TMEM53: variants seen among roughly 807,000 people sequenced by gnomAD.
TMEM53 encodes novel DUF829 domain-containing protein.
A neutral mutation model predicts 21.4 loss-of-function variants in TMEM53; 14 were observed. The observed-to-expected ratio is 0.65, with a 90% CI of 0.43 to 1.02. The LOEUF (loss-of-function observed/expected upper bound fraction) is 1.02. Ranked by LOEUF, TMEM53 falls within the 50% of genes least tolerant of loss-of-function variation. The pLI, the probability that TMEM53 is intolerant of heterozygous loss-of-function variation, is 0.00. For synonymous variants in TMEM53, 148 were observed against 157.4 expected, an observed-to-expected ratio of 0.94 and a Z score of 0.45; for missense variants, 323 against 383.6, an observed-to-expected ratio of 0.84 and a Z score of 1.32.
rs1273866215 is a variant in TMEM53 at position 44,654,226 on chromosome 1, C to T, written c.*333G>A. On this transcript the variant is annotated 3_prime_UTR_variant, in exon 3 of 3. Transcript: ENST00000372237. This position sits in a 1 kb window ranked among gnomAD's most constrained non-coding sequence, Gnocchi z 7.0. ...AAATTTTAAAAAATCAACTAGGGCT[C>T]ACCCTCAACACCCCCCTCCATTTGT... 1 of 264,894 alleles carries T rather than the reference C, an allele frequency of 3.8e-6. No homozygotes were observed. The allele number at this position is 264,894 out of a possible 1,614,324, so 16.4% of individuals were successfully genotyped here.
chr1:44,671,842 T>C (rs935354821), intron 1 of TMEM53, among the ~76,000 whole-genome samples: 2 of 152,164 alleles, frequency 1.3e-5, no homozygotes, highest in African/African-American at 2.4e-5. Flanking sequence ...AACAGGAGAA[T>C]TGCTTGAAGC....
chr1:44,666,710 G>C (rs986630486), intron 1 of TMEM53, among the ~76,000 whole-genome samples: 2 of 152,134 alleles, frequency 1.3e-5, no homozygotes, highest in African/African-American at 2.4e-5. Flanking sequence ...CAAGGGCTGG[G>C]GGGAGGAGGG....
In TMEM53 at chr1:44,655,242, T is replaced by C. The variant is rs1263027607; in HGVS notation, c.184-33A>G. On this transcript the variant is annotated intron_variant, in intron 2 of 2. Coordinates refer to ENST00000372237, the MANE Select transcript of TMEM53 (RefSeq NM_024587.4). The surrounding 1 kb of genome is among the most constrained non-coding windows in gnomAD (Gnocchi z 4.4). ...GAGAGGCCTGGTCAGTCCTCACAGA[T>C]GAGGTGGGGGTAGTGGGTACAAGCT... 1.9e-6 allele frequency: 3 copies of C among 1,560,032 alleles called. No individual in the cohort carries two copies. The highest frequency in any genetic ancestry group is 1.2e-5 in the South Asian group (1 of 81,482).
chr1:44,672,342 A>G (rs6668061), intron 1 of TMEM53, among the ~76,000 whole-genome samples: 4,590 of 152,294 alleles, frequency 0.03, 241 homozygotes, highest in African/African-American at 0.11. Flanking sequence ...TCCCACCACA[A>G]TGCTCTAGCC....
At chr1:44,674,154 G>A (rs938191806) in intron 1 of TMEM53, 177 bp downstream of exon 1, 2 of 985,410 alleles carry the variant, frequency 2.0e-6, no homozygotes, top group Non-Finnish European at 2.4e-6. Context: ...CTCTGGGGCG[G>A]GACTTACGAG....
At chr1:44,659,379 A>G (rs1480926063) in intron 2 of TMEM53, among the ~76,000 whole-genome samples, 1 of 152,184 alleles carries the variant, frequency 6.6e-6, no homozygotes, top group East Asian at 1.9e-4. Context: ...GAGGAGGGGA[A>G]GGTGGAGCTG....
At chr1:44,663,774 T>C (rs1324909418) in intron 1 of TMEM53, among the ~76,000 whole-genome samples, 4 of 152,164 alleles carry the variant, frequency 2.6e-5, no homozygotes, top group Non-Finnish European at 5.9e-5. Flanking sequence ...GTACAAGCAA[T>C]CAAATATACC....
At chr1:44,668,298 G>A (rs948622532) in intron 1 of TMEM53, among the ~76,000 whole-genome samples, 3 of 151,968 alleles carry the variant, frequency 2.0e-5, no homozygotes, top group East Asian at 1.9e-4. Context: ...AAAATTAGCC[G>A]AGCGTGGTGG....
At chr1:44,671,954 T>C (rs1231815485) in intron 1 of TMEM53, among the ~76,000 whole-genome samples, 1 of 152,216 alleles carries the variant, frequency 6.6e-6, no homozygotes, top group Non-Finnish European at 1.5e-5. Flanking sequence ...TAAAAAGTAA[T>C]TTCAGAAACT....
Position 44,654,457 on chromosome 1 carries a change from G to A in TMEM53, c.*102C>T. 2 of 1,404,842 alleles carry A rather than the reference G, an allele frequency of 1.4e-6. No individual in the cohort carries two copies. The highest frequency in any genetic ancestry group is 1.3e-5 in the South Asian group (1 of 75,938). 87.0% of individuals were successfully genotyped at this position (1,404,842 alleles called of 1,614,324 possible). A position where few individuals can be genotyped will look rare whatever the true frequency, so the allele number is the denominator to read the frequency against. On this transcript the variant is annotated 3_prime_UTR_variant, in exon 3 of 3. Transcript: ENST00000372237. This position sits in a 1 kb window ranked among gnomAD's most constrained non-coding sequence, Gnocchi z 7.0. ...ACTTAGGGGACCGCAAAGTCCCAAA[G>A]GGCTACAGGGAGTTGAACGAGAAGA...
chr1:44,674,354 G>A lies in TMEM53; in HGVS notation c.38C>T (p.Pro13Leu), dbSNP rs1190634627. The change falls in exon 1 of 3, where the codon CCG becomes CTG. Residue 13 changes from proline (P) to leucine (L), a missense_variant. Transcript: ENST00000372237. Reference sequence around the variant, plus strand: ...ACTCTGGCTCCAGCAGGGCTGATCCGGGATCTCGATGGTGTAGTCCAGCTC... The same window carrying A: ...ACTCTGGCTCCAGCAGGGCTGATCCAGGATCTCGATGGTGTAGTCCAGCTC... ...SAELDYTIEI[P>L]DQPCWSQKNS... The A allele has an allele frequency of 6.2e-7, 1 of 1,612,936 alleles. No homozygotes were observed. The highest frequency in any genetic ancestry group is 8.5e-7 in the Non-Finnish European group (1 of 1,179,366).
At chr1:44,667,544 G>A (rs948287443) in intron 1 of TMEM53, among the ~76,000 whole-genome samples, 3 of 151,672 alleles carry the variant, frequency 2.0e-5, no homozygotes, top group Non-Finnish European at 4.4e-5. Context: ...CTGACTTCAG[G>A]TGATCTGCCC....
intron 2 of TMEM53, among the ~76,000 whole-genome samples, chr1:44,656,059 CCT>C (rs1379783743): frequency 6.6e-6 from 1 of 152,054 alleles, no homozygotes; most frequent in Non-Finnish European, 1.5e-5. Flanking sequence ...CTCCTAATCC[CCT>C]CTCATCCTCC....
intron 1 of TMEM53, among the ~76,000 whole-genome samples, chr1:44,672,739 C>T (rs1573237869): frequency 6.6e-6 from 1 of 150,388 alleles, no homozygotes; most frequent in East Asian, 1.9e-4. Flanking sequence ...CACTGCACTC[C>T]GGCCTGGGCG....
chr1:44,663,488 G>A (rs538912405), intron 1 of TMEM53, among the ~76,000 whole-genome samples: 49 of 152,260 alleles, frequency 3.2e-4, no homozygotes, highest in Middle Eastern at 3.4e-3. Flanking sequence ...CAATCCACCC[G>A]CCTCAGCCTC....
intron 1 of TMEM53, among the ~76,000 whole-genome samples, chr1:44,673,298 A>G (rs183897903): frequency 5.9e-5 from 9 of 152,298 alleles, no homozygotes; most frequent in African/African-American, 1.9e-4. Flanking sequence ...GGCTCTCCTT[A>G]AGGAGGTAAG....
In TMEM53 at chr1:44,674,394, T is replaced by G; in HGVS notation, c.-3A>C. ...TAGTCCAGCTCTGCCGAGGCCATGG[T>G]GAAGGCGCCGGCCCAGAGCACGGGT... is the stretch of plus-strand genomic sequence containing the variant. On this transcript the variant is annotated 5_prime_UTR_variant, in exon 1 of 3. Transcript: ENST00000372237. The G allele has an allele frequency of 4.3e-6, 7 of 1,610,798 alleles. No homozygotes were observed. The highest frequency in any genetic ancestry group is 3.4e-6 in the Non-Finnish European group (4 of 1,178,330).
rs114263525 is a variant in TMEM53, at chr1:44,656,231, G to A, written c.184-1022C>T. ...TCTGGGTCCCCATCTATAAGATTAC[G>A]GTGAAATTGGGATAACACCCACCTC... is the stretch of plus-strand genomic sequence containing the variant. On this transcript the variant is annotated intron_variant, in intron 2 of 2. Coordinates refer to ENST00000372237, the MANE Select transcript of TMEM53 (RefSeq NM_024587.4). 6.5e-3 allele frequency among the ~76,000 whole-genome samples: 991 copies of A among 151,984 alleles called. 16 individuals are homozygous for A. Among genetic ancestry groups the A allele is most frequent in the African/African-American group, 0.023 (936 of 41,358 alleles).
At chr1:44,664,401 G>A (rs112781301) in intron 1 of TMEM53, among the ~76,000 whole-genome samples, 34,374 of 149,590 alleles carry the variant, frequency 0.23, 5,198 homozygotes, top group Middle Eastern at 0.36. Flanking sequence ...GCGGTGAGCC[G>A]AGATCGCGCC....
Sources: gnomAD v4.1 joint callset for allele counts (sites outside exome capture counted in the v4.1 genomes callset) on GRCh38, gnomAD v4.1.1 for gene constraint, Gnocchi (gnomAD v3.1) non-coding constraint, MANE v1.5 for transcripts, NCBI Gene and HGNC (gene_info 2026-07-23, HGNC 2026-07-21) for gene names.